The following TMEM39A variants were observed in gnomAD, a reference collection of about 807,000 sequenced individuals.
The protein encoded by TMEM39A is transmembrane protein 39A.
TMEM39A carries 19 observed loss-of-function variants against 51.9 expected under a neutral mutation model. That is an observed-to-expected ratio of 0.37 (90% CI 0.26 to 0.54). The LOEUF is 0.54. Among genes scored for constraint, TMEM39A ranks in the 20% least tolerant of loss-of-function variants. TMEM39A has a pLI of 0.88. For missense variants in TMEM39A, 433 were observed against 590.5 expected (o/e 0.73, Z 2.76); for synonymous variants, 197 against 220.2 (o/e 0.89, Z 0.93).
rs115722606 is a variant in TMEM39A, at chr3:119,461,522, T to C, written c.113+440A>G. 7.8e-3 allele frequency among the ~76,000 whole-genome samples: 1,190 copies of C among 152,366 alleles called. 20 individuals carry two copies. The highest frequency in any genetic ancestry group is 0.072 in the South Asian group (346 of 4,828). On this transcript the variant is annotated intron_variant, in intron 2 of 8. Coordinates refer to ENST00000319172, the MANE Select transcript of TMEM39A (RefSeq NM_018266.3). ...ACTGCTACATTATCAAACCTCCTGA[T>C]GGCATGGGCTAACCCAGCTAAAAAA...
At chr3:119,454,714 G>A (rs989644035) in intron 3 of TMEM39A, among the ~76,000 whole-genome samples, 1 of 152,126 alleles carries the variant, frequency 6.6e-6, no homozygotes, top group African/African-American at 2.4e-5. Context: ...CGCTGAACCA[G>A]GGAGTCGGAG....
chr3:119,434,615 C>T (rs2080944385), intron 8 of TMEM39A, 147 bp downstream of exon 8: 1 of 1,203,096 alleles, frequency 8.3e-7, no homozygotes. Flanking sequence ...TTCCAAAGTA[C>T]AGGGACCACT....
chr3:119,460,447 G>A (rs1437018589), intron 2 of TMEM39A, among the ~76,000 whole-genome samples: 1 of 152,058 alleles, frequency 6.6e-6, no homozygotes, highest in Non-Finnish European at 1.5e-5. Context: ...TTTAATAGCA[G>A]AACGCTTTAT....
intron 2 of TMEM39A, among the ~76,000 whole-genome samples, chr3:119,461,108 A>T (rs2081331600): frequency 6.6e-6 from 1 of 152,202 alleles, no homozygotes; most frequent in Non-Finnish European, 1.5e-5. Flanking sequence ...ACGGCAGAGT[A>T]AAAAATACTC....
At chr3:119,456,315 G>C (rs567572875) in intron 3 of TMEM39A, among the ~76,000 whole-genome samples, 12 of 152,012 alleles carry the variant, frequency 7.9e-5, no homozygotes, top group African/African-American at 2.7e-4. Flanking sequence ...AAAAAAATTT[G>C]GCACTATATC....
intron 3 of TMEM39A, among the ~76,000 whole-genome samples, chr3:119,456,327 T>C (rs951150727): frequency 4.6e-5 from 7 of 152,286 alleles, no homozygotes; most frequent in South Asian, 4.1e-4. Flanking sequence ...CACTATATCA[T>C]TGCAATTTTT....
chr3:119,445,247 A>G (rs1018645126), intron 5 of TMEM39A, among the ~76,000 whole-genome samples: 1 of 151,986 alleles, frequency 6.6e-6, no homozygotes. Context: ...TGGGAATTTT[A>G]TTTTATTTTA....
intron 5 of TMEM39A, among the ~76,000 whole-genome samples, chr3:119,446,354 T>TAACCAAGTC (rs2081124772): frequency 6.6e-6 from 1 of 150,992 alleles, no homozygotes; most frequent in South Asian, 2.1e-4. Context: ...GTCCATCTAA[T>TAACCAAGTC]AACCAAGTCC....
At chr3:119,458,760 T>C (rs2081299146) in intron 2 of TMEM39A, among the ~76,000 whole-genome samples, 1 of 152,094 alleles carries the variant, frequency 6.6e-6, no homozygotes, top group African/African-American at 2.4e-5. Flanking sequence ...CCAGGCATGG[T>C]GGTGGACACC....
At chr3:119,458,545 C>T (rs1178486017) in intron 2 of TMEM39A, among the ~76,000 whole-genome samples, 2 of 152,188 alleles carry the variant, frequency 1.3e-5, no homozygotes, top group African/African-American at 4.8e-5. Flanking sequence ...TAGTCCTGAC[C>T]TTAGTTCATG....
At chr3:119,454,590 G>C (rs2081241294) in intron 3 of TMEM39A, among the ~76,000 whole-genome samples, 1 of 152,178 alleles carries the variant, frequency 6.6e-6, no homozygotes, top group African/African-American at 2.4e-5. Flanking sequence ...AGGATATCAA[G>C]ACCATCCTGG....
Position 119,438,525 on chromosome 3 carries a change from T to C in TMEM39A, c.576-422A>G, listed in dbSNP as rs140914751. Reference sequence around the variant, plus strand: ...CTTTGTATGTGTGCATGTGTGTATATTGAGTATTTTCCCTGTGTAGTGAGT... The same window carrying C: ...CTTTGTATGTGTGCATGTGTGTATACTGAGTATTTTCCCTGTGTAGTGAGT... On this transcript the variant is annotated intron_variant, in intron 5 of 8. Coordinates refer to ENST00000319172, the MANE Select transcript of TMEM39A (RefSeq NM_018266.3). 1.9e-3 allele frequency among the ~76,000 whole-genome samples: 286 copies of C among 152,328 alleles called. 3 individuals carry two copies. The highest frequency in any genetic ancestry group is 6.4e-3 in the African/African-American group (265 of 41,562).
rs555787040 is a variant in TMEM39A at position 119,436,525 on chromosome 3, C to T, written c.1112+266G>A. On this transcript the variant is annotated intron_variant, in intron 7 of 8. Transcript: ENST00000319172. ...GCAAAGGGGTAAGATTGAAAGAGAA[C>T]GCCAAGTGCATTGCTTGGGAGACAA... 7.9e-5 allele frequency: 25 copies of T among 316,744 alleles called. No individual in the cohort carries two copies. The East Asian group carries it at 9.7e-4, about 12-fold the overall frequency. The allele number at this position is 316,744 out of a possible 1,614,324, so 19.6% of individuals were successfully genotyped here.
intron 2 of TMEM39A, among the ~76,000 whole-genome samples, chr3:119,458,906 C>A (rs902109910): frequency 2.0e-5 from 3 of 151,860 alleles, no homozygotes; most frequent in African/African-American, 7.3e-5. Flanking sequence ...AAAAACAAAA[C>A]CAAAAAAAGA....
rs563652731 is a variant in TMEM39A at position 119,448,944 on chromosome 3, T to C, written c.421-1772A>G. Among the ~76,000 whole-genome samples, 310 of 152,338 alleles carry C rather than the reference T, an allele frequency of 2.0e-3. 1 individual carries two copies. Among genetic ancestry groups the C allele is most frequent in the Non-Finnish European group, 3.6e-3 (248 of 68,036 alleles). On this transcript the variant is annotated intron_variant, in intron 4 of 8. Transcript: ENST00000319172. ...ACCAAGACAAACAAAACCCCTGTGC[T>C]TATGAAGCTGACTAACCAAGAAAAA...
chr3:119,456,511 A>G (rs1169066368), intron 3 of TMEM39A, among the ~76,000 whole-genome samples: 1 of 152,242 alleles, frequency 6.6e-6, no homozygotes. Context: ...TTCTATGTTC[A>G]CCATGATAGG....
chr3:119,440,443 G>A (rs2081036501), intron 5 of TMEM39A, among the ~76,000 whole-genome samples: 1 of 152,082 alleles, frequency 6.6e-6, no homozygotes, highest in Non-Finnish European at 1.5e-5. Flanking sequence ...TGAAATGGAG[G>A]GGAACAAGAA....
At chr3:119,434,283 G>T (rs1260954561) in intron 8 of TMEM39A, among the ~76,000 whole-genome samples, 1 of 151,866 alleles carries the variant, frequency 6.6e-6, no homozygotes, top group Non-Finnish European at 1.5e-5. Context: ...TCCTTTTCAT[G>T]GCATTTGTCT....
Position 119,458,025 on chromosome 3 carries a change from G to A in TMEM39A, c.329C>T (p.Thr110Ile). 1.2e-6 allele frequency: 2 copies of A among 1,612,660 alleles called. No homozygotes were observed. Among genetic ancestry groups the A allele is most frequent in the Non-Finnish European group, 1.7e-6 (2 of 1,178,794 alleles). The change falls in exon 3 of 9, where the codon ACA becomes ATA. Residue 110 changes from threonine (T) to isoleucine (I), a missense_variant. Coordinates refer to ENST00000319172, the MANE Select transcript of TMEM39A (RefSeq NM_018266.3). ...AGTCTGAGTAAGACTTACCAGTGAT[G>A]TACAAGAAGCAGGATGATTGTAAGG... ...WYPYNHPASC[T>I]SLNFHLIDYH...
Sources: gnomAD v4.1 joint callset for allele counts (sites outside exome capture counted in the v4.1 genomes callset) on GRCh38, gnomAD v4.1.1 for gene constraint, MANE v1.5 for transcripts, NCBI Gene and HGNC (gene_info 2026-07-23, HGNC 2026-07-21) for gene names.